SLC6A6: variants seen among roughly 807,000 people sequenced by gnomAD.
The protein encoded by SLC6A6 is solute carrier family 6 member 6.
Under a neutral mutation model 68.8 loss-of-function variants are expected in SLC6A6, and 16 were observed. The ratio of observed to expected loss-of-function variants is 0.23; its 90% CI spans 0.16 to 0.35. SLC6A6 has a LOEUF of 0.35. SLC6A6 is among the 10% of genes least tolerant of loss of function. The pLI is 1.00. For synonymous variants in SLC6A6, 312 were observed against 315.4 expected (o/e 0.99, Z 0.12); for missense variants, 474 against 802.8 (o/e 0.59, Z 4.95).
intron 2 of SLC6A6, among the ~76,000 whole-genome samples, chr3:14,440,908 TC>T (rs898789744): frequency 6.6e-6 from 1 of 151,944 alleles, no homozygotes; most frequent in Non-Finnish European, 1.5e-5. Context: ...ACGTGACAGG[TC>T]CCCACTCTGC....
At position 14,485,772 on chromosome 3, in the gene SLC6A6, G is replaced by A. The variant is rs1407350868; in HGVS notation, c.*765G>A. On this transcript the variant is annotated 3_prime_UTR_variant, in exon 15 of 15. Transcript: ENST00000622186. The stretch of plus-strand genomic sequence containing the variant: ...GAAGCAAAATCCCACTTTTAATTTT[G>A]AGATGGTGAGTGGATAGTCAGTAGA... 6.6e-6 allele frequency: 1 copy of A among 152,464 alleles called. No homozygotes were observed. Among genetic ancestry groups the A allele is most frequent in the Non-Finnish European group, 1.5e-5 (1 of 68,034 alleles). The allele number at this position is 152,464 out of a possible 1,614,324, so 9.4% of individuals were successfully genotyped here. A position where few individuals can be genotyped will look rare whatever the true frequency, so the allele number is the denominator to read the frequency against.
rs1424788937 is a variant in SLC6A6 at position 14,450,115 on chromosome 3, T to C, written c.599+2299T>C. Among the ~76,000 whole-genome samples, 1 of 152,098 alleles carries C rather than the reference T, an allele frequency of 6.6e-6. No individual in the cohort carries two copies. Among genetic ancestry groups the C allele is most frequent in the East Asian group, 1.9e-4 (1 of 5,172 alleles). On this transcript the variant is annotated intron_variant, in intron 5 of 14. Transcript: ENST00000622186. This position sits in a 1 kb window ranked among gnomAD's most constrained non-coding sequence, Gnocchi z 4.1. ...AAACTACCCCTCAGGGCAGTTTCTT[T>C]GTGTGTTATGAACTTAAAGAATCAC...
intron 1 of SLC6A6, among the ~76,000 whole-genome samples, chr3:14,405,873 A>G (rs1360852012): frequency 6.6e-6 from 1 of 152,218 alleles, no homozygotes; most frequent in Non-Finnish European, 1.5e-5. Context: ...AGGTAGAAGC[A>G]TGTGGTAACT....
intron 3 of SLC6A6, 141 bp from the exon 4 acceptor site, chr3:14,445,576 C>A: frequency 1.1e-6 from 1 of 932,192 alleles, no homozygotes; most frequent in Admixed American, 2.0e-5. Flanking sequence ...GAGCATTTCC[C>A]ACCAGGTCCA....
At chr3:14,448,794 G>T (rs989414517) in intron 5 of SLC6A6, among the ~76,000 whole-genome samples, 3 of 152,242 alleles carry the variant, frequency 2.0e-5, no homozygotes, top group Non-Finnish European at 2.9e-5. Context: ...GTGAGCTGAT[G>T]TGTGGAGACA....
intron 5 of SLC6A6, among the ~76,000 whole-genome samples, chr3:14,451,162 G>T (rs1276757391): frequency 6.6e-6 from 1 of 152,170 alleles, no homozygotes; most frequent in Admixed American, 6.5e-5. Flanking sequence ...CCCTCTCATG[G>T]CTTTTCCCAT....
At position 14,479,127 on chromosome 3, in the gene SLC6A6, A is replaced by T; in HGVS notation, c.1493A>T (p.Tyr498Phe). The stretch of plus-strand genomic sequence containing the variant: ...GATGGTATTGAGGACATGATTGGCT[A>T]TCGGCCCGGGCCCTGGATGAAGTAC... ...LYDGIEDMIG[Y>F]RPGPWMKYSW... The change falls in exon 13 of 15, where the codon TAT becomes TTT. Residue 498 changes from tyrosine to phenylalanine, a missense_variant. Transcript: ENST00000622186. 1 of 1,613,478 alleles carries T rather than the reference A, an allele frequency of 6.2e-7. No homozygotes were observed. The highest frequency in any genetic ancestry group is 1.1e-5 in the South Asian group (1 of 91,062).
chr3:14,471,846 T>C (rs1001387636), intron 9 of SLC6A6, among the ~76,000 whole-genome samples: 2 of 152,250 alleles, frequency 1.3e-5, no homozygotes, highest in African/African-American at 4.8e-5. Flanking sequence ...CAGCAAAGGC[T>C]GTCCACTCAA....
intron 2 of SLC6A6, among the ~76,000 whole-genome samples, chr3:14,439,122 C>G (rs1271888942): frequency 4.6e-5 from 7 of 152,250 alleles, no homozygotes; most frequent in African/African-American, 1.7e-4. Flanking sequence ...TCTTTCTAAG[C>G]TTTGCTCGGT....
intron 1 of SLC6A6, among the ~76,000 whole-genome samples, chr3:14,409,570 T>C (rs1248612620): frequency 1.3e-5 from 2 of 152,208 alleles, no homozygotes; most frequent in African/African-American, 4.8e-5. Context: ...CAAACGTTCA[T>C]GAGTGCCTAC....
chr3:14,478,498 C>T lies in SLC6A6; in HGVS notation c.1380C>T (p.Tyr460=). 6.2e-7 allele frequency: 1 copy of T among 1,613,594 alleles called. No homozygotes were observed. Residue 460 remains tyrosine (Y), a synonymous_variant, in exon 12 of 15, where the codon TAC becomes TAT. Coordinates refer to ENST00000622186, the MANE Select transcript of SLC6A6 (RefSeq NM_003043.6). ...GGMYVFQLFD[Y]YAASGVCLLW... ...TGTATGTGTTTCAGCTCTTTGACTA[C>T]TATGCAGCTAGCGGTGTATGCCTTT...
chr3:14,445,131 G>T (rs1290246200), intron 3 of SLC6A6, among the ~76,000 whole-genome samples: 5 of 152,200 alleles, frequency 3.3e-5, no homozygotes, highest in South Asian at 2.1e-4. Flanking sequence ...TGACATGAAG[G>T]CTCTGAGGCA....
chr3:14,405,150 A>C (rs1462258970), intron 1 of SLC6A6, among the ~76,000 whole-genome samples: 1 of 152,198 alleles, frequency 6.6e-6, no homozygotes, highest in African/African-American at 2.4e-5. Flanking sequence ...GGCCTGGGGA[A>C]AATGAGGAAC....
chr3:14,431,823 A>T (rs1465812370), intron 2 of SLC6A6, among the ~76,000 whole-genome samples: 1 of 152,144 alleles, frequency 6.6e-6, no homozygotes, highest in Non-Finnish European at 1.5e-5. Context: ...AGGAAGAAGA[A>T]AGTACATCCT....
rs1553578780 is a variant in SLC6A6, at chr3:14,468,341, C to CCG, written c.1096+130_1096+131insGC. ...AGCCTGGTTTCTAAAATGGACCCCC[C>CCG]CCCCGCCACCAAGATATCCCCCAAA... is the stretch of plus-strand genomic sequence containing the variant. On this transcript the variant is annotated intron_variant, in intron 9 of 14. Transcript: ENST00000622186. The surrounding 1 kb of genome is among the most constrained non-coding windows in gnomAD (Gnocchi z 4.5). The CCG allele has an allele frequency of 1.5e-5, 11 of 733,466 alleles. No homozygotes were observed. Among genetic ancestry groups the CCG allele is most frequent in the South Asian group, 2.3e-5 (1 of 43,318 alleles). 45.4% of individuals were successfully genotyped at this position (733,466 alleles called of 1,614,324 possible). A position where few individuals can be genotyped will look rare whatever the true frequency, so the allele number is the denominator to read the frequency against.
At chr3:14,449,704 A>G (rs190530649) in intron 5 of SLC6A6, among the ~76,000 whole-genome samples, 1 of 152,222 alleles carries the variant, frequency 6.6e-6, no homozygotes, top group South Asian at 2.1e-4. Context: ...CCCTGACTGC[A>G]TGAGATCCTG....
Position 14,443,872 on chromosome 3 carries a change from G to C in SLC6A6, c.229+9G>C, listed in dbSNP as rs1700049520. The C allele has an allele frequency of 1.3e-6, 2 of 1,599,236 alleles. No homozygotes were observed. Among genetic ancestry groups the C allele is most frequent in the Non-Finnish European group, 1.7e-6 (2 of 1,166,410 alleles). On this transcript the variant is annotated intron_variant, in intron 3 of 14. Coordinates refer to ENST00000622186, the MANE Select transcript of SLC6A6 (RefSeq NM_003043.6). ...CTACAAGAATGGTGGAGGTGAGCTT[G>C]GGCCGGGCCACAGGGGAGCCCATCC...
chr3:14,479,371 G>A (rs1325306492), intron 13 of SLC6A6, among the ~76,000 whole-genome samples, 186 bp downstream of exon 13: 1 of 152,208 alleles, frequency 6.6e-6, no homozygotes, highest in Non-Finnish European at 1.5e-5. Context: ...AGTTTTGAAG[G>A]ATAAGTAGGA....
intron 6 of SLC6A6, among the ~76,000 whole-genome samples, chr3:14,464,644 G>A (rs995477692): frequency 2.0e-5 from 3 of 152,190 alleles, no homozygotes; most frequent in Non-Finnish European, 4.4e-5. Flanking sequence ...GGGTCGTGGT[G>A]CCAGCTAGGT....
Sources: allele counts gnomAD v4.1 joint callset (sites outside exome capture counted in the v4.1 genomes callset), GRCh38; gene constraint gnomAD v4.1.1; non-coding constraint Gnocchi (gnomAD v3.1); transcripts MANE v1.5; gene names NCBI Gene and HGNC (gene_info 2026-07-23, HGNC 2026-07-21).